Variants in NUP133 observed in about 807,000 individuals in gnomAD.
NUP133 encodes the protein nucleoporin 133, also known as nuclear pore complex protein Nup133.
Under a neutral mutation model 146.2 loss-of-function variants are expected in NUP133, and 66 were observed. That is an observed-to-expected ratio of 0.45 (90% CI 0.37 to 0.55). NUP133 has a LOEUF of 0.55. Ranked by LOEUF, NUP133 falls within the 20% of genes least tolerant of loss-of-function variation. The probability of loss-of-function intolerance (pLI) is 0.00; values close to 1 mark genes in which losing one functional copy is unlikely to be tolerated. For synonymous variants in NUP133, 521 were observed against 498.8 expected, an observed-to-expected ratio of 1.04 and a Z score of -0.59; for missense variants, 1,277 against 1,374.8, an observed-to-expected ratio of 0.93 and a Z score of 1.12.
chr1:229,474,700 T>G (rs1005466496), intron 14 of NUP133, among the ~76,000 whole-genome samples: 2 of 152,162 alleles, frequency 1.3e-5, no homozygotes, highest in African/African-American at 2.4e-5. Context: ...TAGGAGAACA[T>G]TCCCATGATC....
intron 12 of NUP133, among the ~76,000 whole-genome samples, chr1:229,478,855 A>G (rs966641752): frequency 4.6e-5 from 7 of 152,164 alleles, no homozygotes; most frequent in African/African-American, 1.7e-4. Flanking sequence ...GTCCCAAAAG[A>G]TTGCTCTATC....
chr1:229,471,773 T>C (rs535411621), intron 14 of NUP133, among the ~76,000 whole-genome samples: 62 of 152,242 alleles, frequency 4.1e-4, no homozygotes, highest in Non-Finnish European at 7.2e-4. Flanking sequence ...ATTTTCTATA[T>C]GCTTTTGTAG....
chr1:229,476,941 C>CAA (rs113139141), intron 13 of NUP133, among the ~76,000 whole-genome samples: 1 of 131,602 alleles, frequency 7.6e-6, no homozygotes, highest in Admixed American at 7.6e-5. Flanking sequence ...AAAAAAAAAA[C>CAA]AAAAAAAAAA....
intron 9 of NUP133, 23 bp from the exon 10 acceptor site, chr1:229,487,636 C>T (rs1211835290): frequency 4.5e-6 from 7 of 1,550,398 alleles, no homozygotes; most frequent in Non-Finnish European, 6.1e-6. Flanking sequence ...TTTAAGATTA[C>T]ATTTAACAAG....
At position 229,498,119 on chromosome 1, in the gene NUP133, T is replaced by G. The variant is rs773166259; in HGVS notation, c.819+17A>C. 1 of 1,516,312 alleles carries G rather than the reference T, an allele frequency of 6.6e-7. No homozygotes were observed. Among genetic ancestry groups the G allele is most frequent in the South Asian group, 1.2e-5 (1 of 81,058 alleles). 93.9% of individuals were successfully genotyped at this position (1,516,312 alleles called of 1,614,324 possible). A position where few individuals can be genotyped will look rare whatever the true frequency, so the allele number is the denominator to read the frequency against. Reference sequence around the variant, plus strand: ...ACTAAGAAATAAGCTTGTAAAATAGTTATTTTATAAACTTACTGTGAGATC... The same window carrying G: ...ACTAAGAAATAAGCTTGTAAAATAGGTATTTTATAAACTTACTGTGAGATC... On this transcript the variant is annotated intron_variant, in intron 6 of 25. Coordinates refer to ENST00000261396, the MANE Select transcript of NUP133 (RefSeq NM_018230.3).
intron 21 of NUP133, among the ~76,000 whole-genome samples, chr1:229,457,170 G>A (rs1255934712): frequency 6.6e-6 from 1 of 151,732 alleles, no homozygotes; most frequent in African/African-American, 2.4e-5. Context: ...ACATATTTAT[G>A]GGGTACAATG....
chr1:229,470,538 G>T, intron 15 of NUP133, 42 bp downstream of exon 15: 1 of 1,494,876 alleles, frequency 6.7e-7, no homozygotes, highest in South Asian at 1.1e-5. Context: ...ATCACTAAAT[G>T]GCACAGTTCT....
intron 5 of NUP133, 135 bp downstream of exon 5, chr1:229,499,549 G>T: frequency 1.1e-6 from 1 of 894,114 alleles, no homozygotes; most frequent in Non-Finnish European, 1.7e-6. Context: ...AGGAGTTATT[G>T]CTTGAGCCCA....
chr1:229,444,781 A>G, intron 25 of NUP133, 133 bp downstream of exon 25: 1 of 590,518 alleles, frequency 1.7e-6, no homozygotes, highest in Non-Finnish European at 3.0e-6. Flanking sequence ...CGGGAGGTGG[A>G]GGCTGCACTG....
chr1:229,446,576 T>TA (rs968734939), intron 24 of NUP133, among the ~76,000 whole-genome samples: 6 of 147,746 alleles, frequency 4.1e-5, no homozygotes, highest in Admixed American at 6.7e-5. Context: ...AAAAATACAT[T>TA]AAAAAAAATT....
chr1:229,506,310 T>G, intron 1 of NUP133, 152 bp from the exon 2 acceptor site: 1 of 444,392 alleles, frequency 2.3e-6, no homozygotes, highest in Non-Finnish European at 4.0e-6. Context: ...ATTTTTCATG[T>G]AAAAAAAAAA....
intron 12 of NUP133, 146 bp from the exon 13 acceptor site, chr1:229,477,906 C>G: frequency 1.8e-6 from 1 of 559,570 alleles, no homozygotes; most frequent in South Asian, 3.0e-5. Context: ...AACTGGAGGA[C>G]ATGTTAAGTG....
Position 229,452,815 on chromosome 1 carries a change from C to T in NUP133, c.2981-172G>A, listed in dbSNP as rs530370592. On this transcript the variant is annotated intron_variant, in intron 21 of 25. Coordinates refer to ENST00000261396, the MANE Select transcript of NUP133 (RefSeq NM_018230.3). ...GCTTTTAATTCTTATTCTTGATTGC[C>T]GGTTATGTTTACAACATATCCATGG... is the stretch of plus-strand genomic sequence containing the variant. Among the ~76,000 whole-genome samples the T allele has an allele frequency of 3.9e-5, 6 of 151,954 alleles. No individual in the cohort carries two copies. The South Asian group carries it at 6.2e-4, about 16-fold the overall frequency.
At chr1:229,458,677 G>T (rs1660622035) in intron 20 of NUP133, among the ~76,000 whole-genome samples, 1 of 149,972 alleles carries the variant, frequency 6.7e-6, no homozygotes, top group South Asian at 2.1e-4. Flanking sequence ...AAATTTTTGT[G>T]ATTTTAATGT....
chr1:229,494,494 T>A (rs1001062080), intron 8 of NUP133, among the ~76,000 whole-genome samples: 13 of 152,242 alleles, frequency 8.5e-5, no homozygotes, highest in African/African-American at 3.1e-4. Flanking sequence ...AAATAGTCTT[T>A]AACTTCTGAG....
At chr1:229,442,607 T>C (rs1265279990) in intron 25 of NUP133, among the ~76,000 whole-genome samples, 1 of 151,884 alleles carries the variant, frequency 6.6e-6, no homozygotes, top group Non-Finnish European at 1.5e-5. Context: ...ATTTTCAAAT[T>C]AATAAGCCAA....
chr1:229,507,441 G>A (rs1343767642), intron 1 of NUP133, among the ~76,000 whole-genome samples: 1 of 152,042 alleles, frequency 6.6e-6, no homozygotes, highest in Non-Finnish European at 1.5e-5. Flanking sequence ...GGGTGGGGAG[G>A]GGTGTGTGTG....
chr1:229,455,001 C>T (rs1660528983), intron 21 of NUP133, among the ~76,000 whole-genome samples: 1 of 152,172 alleles, frequency 6.6e-6, no homozygotes, highest in African/African-American at 2.4e-5. Context: ...CTTACAACTA[C>T]CCTTGTTATA....
intron 8 of NUP133, among the ~76,000 whole-genome samples, chr1:229,492,107 A>AT (rs200318942): frequency 0.011 from 1,574 of 140,286 alleles, 19 homozygotes; most frequent in African/African-American, 0.028. Context: ...TACTAGCAAC[A>AT]TTTTTTTTTT....
Sources: allele counts gnomAD v4.1 joint callset (sites outside exome capture counted in the v4.1 genomes callset), GRCh38; gene constraint gnomAD v4.1.1; transcripts MANE v1.5; gene names NCBI Gene and HGNC (gene_info 2026-07-23, HGNC 2026-07-21).